The following NLGN4X variants were observed in gnomAD, a reference collection of about 807,000 sequenced individuals.
The protein encoded by NLGN4X is neuroligin-4, X-linked.
A neutral mutation model predicts 40.3 loss-of-function variants in NLGN4X; 3 were observed. That is an observed-to-expected ratio of 0.07 (90% confidence interval 0.03 to 0.19). NLGN4X has a LOEUF of 0.19. Ranked by LOEUF, NLGN4X falls within the 10% of genes least tolerant of loss-of-function variation. NLGN4X has a pLI of 1.00. For synonymous variants in NLGN4X, 270 were observed against 306.8 expected, an observed-to-expected ratio of 0.88 and a Z score of 1.25; for missense variants, 382 against 708.3, an observed-to-expected ratio of 0.54 and a Z score of 5.23.
chrX:6,226,906 T>C, intron 1 of NLGN4X: 1 of 122,324 alleles, frequency 8.2e-6, no homozygotes, highest in Non-Finnish European at 1.7e-5. Flanking sequence ...CTTCCGCAGG[T>C]CAGGCCACGC....
intron 1 of NLGN4X, among the ~76,000 whole-genome samples, chrX:6,186,347 C>T (rs1922009449): frequency 8.9e-6 from 1 of 112,227 alleles, no homozygotes; most frequent in Non-Finnish European, 1.9e-5. Flanking sequence ...CACCCATAGG[C>T]CATAGTTGAC....
chrX:6,135,881 G>A (rs768384294), intron 2 of NLGN4X, among the ~76,000 whole-genome samples: 5 of 111,956 alleles, frequency 4.5e-5, no homozygotes, highest in East Asian at 5.6e-4. Flanking sequence ...TAAATGCACC[G>A]CTAGTAAATG....
chrX:6,051,373 T>C (rs1383665056), intron 2 of NLGN4X, among the ~76,000 whole-genome samples: 1 of 111,578 alleles, frequency 9.0e-6, no homozygotes, highest in Non-Finnish European at 1.9e-5. Context: ...TGCAGGGTCT[T>C]TGCAGATGTG....
intron 3 of NLGN4X, among the ~76,000 whole-genome samples, chrX:5,999,528 TA>T: frequency 8.9e-6 from 1 of 112,506 alleles, no homozygotes; most frequent in Non-Finnish European, 1.9e-5. Flanking sequence ...ATTAATTTGT[TA>T]AATAAGGTTT....
chrX:6,054,990 T>C (rs1189560503), intron 2 of NLGN4X, among the ~76,000 whole-genome samples: 2 of 112,088 alleles, frequency 1.8e-5, no homozygotes, highest in African/African-American at 6.5e-5. Context: ...TCTAGAGTGA[T>C]TCCATGCCAG....
At chrX:6,172,626 T>C (rs760975447) in intron 1 of NLGN4X, among the ~76,000 whole-genome samples, 1 of 112,060 alleles carries the variant, frequency 8.9e-6, no homozygotes, top group East Asian at 2.8e-4. Flanking sequence ...TCTTGGTTGG[T>C]GTTGTCTGTG....
At chrX:6,088,012 C>T (rs55999636) in intron 2 of NLGN4X, among the ~76,000 whole-genome samples, 2,573 of 111,686 alleles carry the variant, frequency 0.023, 44 homozygotes, top group South Asian at 0.045. Flanking sequence ...CTCATCTACA[C>T]ACGATTTTCT....
At chrX:5,919,273 C>T (rs1429004346) in intron 3 of NLGN4X, among the ~76,000 whole-genome samples, 4 of 111,660 alleles carry the variant, frequency 3.6e-5, no homozygotes, top group South Asian at 3.8e-4. Flanking sequence ...CTCTGTCTGA[C>T]GTCTGTTTCA....
intron 3 of NLGN4X, among the ~76,000 whole-genome samples, chrX:5,970,177 A>AAAT (rs2034982481): frequency 9.2e-6 from 1 of 108,827 alleles, no homozygotes; most frequent in African/African-American, 3.4e-5. Flanking sequence ...AGTATAATAA[A>AAAT]AAATAAATAA....
chrX:6,029,141 T>C, intron 3 of NLGN4X, 139 bp downstream of exon 3: 3 of 703,596 alleles, frequency 4.3e-6, no homozygotes, highest in Non-Finnish European at 4.4e-6. Flanking sequence ...ACATATCCAA[T>C]CACATAAAGT....
At chrX:5,964,870 C>T (rs1250309678) in intron 3 of NLGN4X, among the ~76,000 whole-genome samples, 1 of 112,022 alleles carries the variant, frequency 8.9e-6, no homozygotes, top group Non-Finnish European at 1.9e-5. Flanking sequence ...AGAGATAGCT[C>T]CTATAGCTTT....
chrX:5,908,366 C>T (rs1215411564), intron 4 of NLGN4X, among the ~76,000 whole-genome samples: 3 of 110,894 alleles, frequency 2.7e-5, no homozygotes, highest in African/African-American at 6.6e-5. Flanking sequence ...GAGAGAGGAG[C>T]GACTTCTTAA....
At chrX:6,054,135 CT>C (rs1270882774) in intron 2 of NLGN4X, among the ~76,000 whole-genome samples, 4 of 111,022 alleles carry the variant, frequency 3.6e-5, no homozygotes, top group Admixed American at 2.9e-4. Flanking sequence ...ATACGTGCAA[CT>C]TTTTTTTTAT....
At chrX:5,961,527 T>C (rs1207579544) in intron 3 of NLGN4X, among the ~76,000 whole-genome samples, 1 of 112,242 alleles carries the variant, frequency 8.9e-6, no homozygotes, top group Non-Finnish European at 1.9e-5. Flanking sequence ...TCAAAAGCTA[T>C]ATTTTAACAC....
At chrX:5,964,361 T>C (rs943775950) in intron 3 of NLGN4X, among the ~76,000 whole-genome samples, 4 of 112,088 alleles carry the variant, frequency 3.6e-5, no homozygotes, top group African/African-American at 1.3e-4. Flanking sequence ...TTTATTCTAT[T>C]CATAAGTATT....
intron 1 of NLGN4X, among the ~76,000 whole-genome samples, chrX:6,171,566 A>G (rs764233036): frequency 1.1e-4 from 12 of 111,972 alleles, no homozygotes; most frequent in Non-Finnish European, 1.9e-4. Flanking sequence ...GGGTGCACAA[A>G]AGGTAAATTT....
intron 2 of NLGN4X, among the ~76,000 whole-genome samples, chrX:6,121,149 T>TACACACACACAC (rs35061904): frequency 9.8e-6 from 1 of 102,483 alleles, no homozygotes. Context: ...TATATATACA[T>TACACACACACAC]ACACACACAC....
At chrX:5,902,754 A>G (rs2031943372) in intron 5 of NLGN4X, among the ~76,000 whole-genome samples, 1 of 112,476 alleles carries the variant, frequency 8.9e-6, no homozygotes, top group African/African-American at 3.2e-5. Flanking sequence ...TCATATATGT[A>G]TGAGTCCTGC....
intron 3 of NLGN4X, among the ~76,000 whole-genome samples, chrX:5,956,139 AT>A (rs2034486828): frequency 9.2e-6 from 1 of 108,328 alleles, no homozygotes; most frequent in African/African-American, 3.3e-5. Flanking sequence ...GATAATATAT[AT>A]TTAATCTGTA....
Sources: gnomAD v4.1 joint callset for allele counts (sites outside exome capture counted in the v4.1 genomes callset) on GRCh38, gnomAD v4.1.1 for gene constraint, MANE v1.5 for transcripts, NCBI Gene and HGNC (gene_info 2026-07-23, HGNC 2026-07-21) for gene names.